Variants in RPTOR observed in about 807,000 individuals in gnomAD.
RPTOR encodes regulatory associated protein of MTOR complex 1.
In RPTOR, 21 loss-of-function variants were observed where a neutral mutation model predicts 169.9. The ratio of observed to expected loss-of-function variants is 0.12; its 90% CI spans 0.09 to 0.18. The LOEUF (loss-of-function observed/expected upper bound fraction) is 0.18, where lower values mean the gene tolerates loss of function less well. Ranked by LOEUF, RPTOR falls within the 10% of genes least tolerant of loss-of-function variation. The probability of loss-of-function intolerance (pLI) is 1.00; values close to 1 mark genes in which losing one functional copy is unlikely to be tolerated. For synonymous variants in RPTOR, 732 were observed against 753.2 expected (o/e 0.97, Z 0.46); for missense variants, 1,133 against 1,855.9 (o/e 0.61, Z 7.16).
At position 80,823,363 on chromosome 17, in the gene RPTOR, A is replaced by G; in HGVS notation, c.1136+140A>G. 9.5e-7 allele frequency: 1 copy of G among 1,050,812 alleles called. No homozygotes were observed. 65.1% of individuals were successfully genotyped at this position (1,050,812 alleles called of 1,614,324 possible). On this transcript the variant is annotated intron_variant, in intron 9 of 33. Coordinates refer to ENST00000306801, the MANE Select transcript of RPTOR (RefSeq NM_020761.3). The surrounding 1 kb of genome is among the most constrained non-coding windows in gnomAD (Gnocchi z 4.5). Reference sequence around the variant, plus strand: ...GTGTAGCATTAACAAGTGAAGCTAAATGCAGGGCTCCCAGAGATCTCCACA... The same window carrying G: ...GTGTAGCATTAACAAGTGAAGCTAAGTGCAGGGCTCCCAGAGATCTCCACA...
At chr17:80,798,771 A>C (rs2143521455) in intron 7 of RPTOR, among the ~76,000 whole-genome samples, 1 of 152,320 alleles carries the variant, frequency 6.6e-6, no homozygotes, top group South Asian at 2.1e-4. Flanking sequence ...GTACCCAGGG[A>C]ATATTTAAAA....
At chr17:80,866,327 T>C (rs1260463699) in intron 13 of RPTOR, among the ~76,000 whole-genome samples, 1 of 152,128 alleles carries the variant, frequency 6.6e-6, no homozygotes, top group Non-Finnish European at 1.5e-5. Flanking sequence ...GTGTAGCAGC[T>C]GCTAGACAAT....
chr17:80,657,526 A>G (rs1471982336), intron 3 of RPTOR, among the ~76,000 whole-genome samples: 1 of 151,988 alleles, frequency 6.6e-6, no homozygotes, highest in Admixed American at 6.6e-5. Context: ...CAGTGTGAAT[A>G]TGTTGCTTTC....
chr17:80,854,565 A>G lies in RPTOR; in HGVS notation c.1315-899A>G, dbSNP rs115233937. Among the ~76,000 whole-genome samples the G allele has an allele frequency of 6.2e-3, 946 of 152,330 alleles. 6 individuals are homozygous for G. Among genetic ancestry groups the G allele is most frequent in the African/African-American group, 0.022 (908 of 41,572 alleles). ...AAGAATCATGTACATGTGCCGATGT[A>G]CCCATTAGGATATTGATCACAATCT... is the stretch of plus-strand genomic sequence containing the variant. On this transcript the variant is annotated intron_variant, in intron 11 of 33. Coordinates refer to ENST00000306801, the MANE Select transcript of RPTOR (RefSeq NM_020761.3).
intron 6 of RPTOR, among the ~76,000 whole-genome samples, chr17:80,756,745 T>C (rs1255685240): frequency 6.6e-6 from 1 of 152,208 alleles, no homozygotes; most frequent in African/African-American, 2.4e-5. Flanking sequence ...GTTGGATAGA[T>C]CCCAGTTACC....
chr17:80,579,891 G>A (rs566254849), intron 1 of RPTOR, among the ~76,000 whole-genome samples: 2 of 152,302 alleles, frequency 1.3e-5, no homozygotes, highest in African/African-American at 4.8e-5. Context: ...AGGATGCTGA[G>A]TGTGGGATTA....
intron 16 of RPTOR, among the ~76,000 whole-genome samples, 197 bp downstream of exon 16, chr17:80,884,169 G>A (rs373135366): frequency 3.9e-4 from 59 of 152,356 alleles, no homozygotes; most frequent in African/African-American, 1.3e-3. Context: ...GGCCCAGAGT[G>A]CGCTCCCGGG....
chr17:80,556,791 A>AG (rs1294437917), intron 1 of RPTOR, among the ~76,000 whole-genome samples: 1 of 151,528 alleles, frequency 6.6e-6, no homozygotes, highest in Admixed American at 6.6e-5. Flanking sequence ...ATTAAAAAAA[A>AG]AAAAAAACTT....
chr17:80,940,732 C>A, intron 25 of RPTOR, 131 bp downstream of exon 25: 1 of 659,504 alleles, frequency 1.5e-6, no homozygotes. Flanking sequence ...ACGACAGACC[C>A]GCCCCGCACC....
intron 3 of RPTOR, among the ~76,000 whole-genome samples, chr17:80,699,853 A>G (rs1443706828): frequency 0.049 from 3,213 of 65,708 alleles, no homozygotes; most frequent in Middle Eastern, 0.14. Context: ...GTACCCTGGT[A>G]CAGTGATGGG....
chr17:80,938,329 G>A (rs1197378286), intron 24 of RPTOR, among the ~76,000 whole-genome samples: 2 of 152,176 alleles, frequency 1.3e-5, no homozygotes, highest in East Asian at 3.9e-4. Context: ...CCGGGCCAAG[G>A]AGCTGGAATT....
At chr17:80,822,030 T>G (rs2067384418) in intron 7 of RPTOR, among the ~76,000 whole-genome samples, 171 bp from the exon 8 acceptor site, 1 of 152,230 alleles carries the variant, frequency 6.6e-6, no homozygotes, top group African/African-American at 2.4e-5. Flanking sequence ...CTCTGAGCTG[T>G]GAGCTCATGG....
chr17:80,594,847 A>T (rs2065133594), intron 1 of RPTOR, among the ~76,000 whole-genome samples: 1 of 152,226 alleles, frequency 6.6e-6, no homozygotes, highest in Non-Finnish European at 1.5e-5. Flanking sequence ...TGAAGCTTAG[A>T]GATGAACCCC....
rs530238429 is a variant in RPTOR at position 80,545,330 on chromosome 17, C to T, written c.-300C>T. The T allele has an allele frequency of 3.2e-4, 93 of 288,536 alleles. No individual in the cohort carries two copies. The highest frequency in any genetic ancestry group is 2.5e-3 in the Admixed American group (50 of 19,670). The allele number at this position is 288,536 out of a possible 1,614,324, so 17.9% of individuals were successfully genotyped here. On this transcript the variant is annotated 5_prime_UTR_variant, in exon 1 of 34. Coordinates refer to ENST00000306801, the MANE Select transcript of RPTOR (RefSeq NM_020761.3). ...CTTTTGGCAGCTCCCCTCGCAGCCC[C>T]TCTGGAAACGTACAGCCTCAGGAGC...
intron 10 of RPTOR, among the ~76,000 whole-genome samples, chr17:80,838,956 T>G (rs887978379): frequency 6.6e-6 from 1 of 152,188 alleles, no homozygotes; most frequent in African/African-American, 2.4e-5. Context: ...CCCTTGGGAA[T>G]TCATGTGCAG....
intron 21 of RPTOR, among the ~76,000 whole-genome samples, chr17:80,913,936 G>A (rs1245927021): frequency 6.6e-6 from 1 of 152,184 alleles, no homozygotes; most frequent in African/African-American, 2.4e-5. Context: ...CATGATCACT[G>A]CTTATATTAT....
intron 28 of RPTOR, among the ~76,000 whole-genome samples, chr17:80,956,605 T>C (rs1289232956): frequency 6.6e-6 from 1 of 152,252 alleles, no homozygotes; most frequent in Non-Finnish European, 1.5e-5. Flanking sequence ...CTTAACAGCC[T>C]TCCTAAAGTC....
intron 18 of RPTOR, 69 bp from the exon 19 acceptor site, chr17:80,892,660 G>A: frequency 6.4e-7 from 1 of 1,556,456 alleles, no homozygotes; most frequent in Non-Finnish European, 8.8e-7. Flanking sequence ...CCCAGCTGCT[G>A]AGTGTCAGAA....
chr17:80,872,169 G>C (rs906607442), intron 13 of RPTOR, among the ~76,000 whole-genome samples: 5 of 152,218 alleles, frequency 3.3e-5, no homozygotes, highest in Non-Finnish European at 5.9e-5. Flanking sequence ...AGGGGCTGTT[G>C]AGGGGACACA....
Sources: allele counts gnomAD v4.1 joint callset (sites outside exome capture counted in the v4.1 genomes callset), GRCh38; gene constraint gnomAD v4.1.1; non-coding constraint Gnocchi (gnomAD v3.1); transcripts MANE v1.5; gene names NCBI Gene and HGNC (gene_info 2026-07-23, HGNC 2026-07-21).